Variants in CCNJL observed in about 807,000 individuals in gnomAD.
CCNJL encodes cyclin J like.
Under a neutral mutation model 33.4 loss-of-function variants are expected in CCNJL, and 33 were observed. The observed-to-expected ratio is 0.99, with a 90% CI of 0.75 to 1.32. CCNJL has a LOEUF of 1.32. Among genes scored for constraint, CCNJL ranks in the 40% most tolerant of loss-of-function variants. CCNJL has a pLI of 0.00. For missense variants in CCNJL, 512 were observed against 499.7 expected (o/e 1.02, Z -0.23); for synonymous variants, 227 against 220.9 (o/e 1.03, Z -0.24).
rs144788249 is a variant in CCNJL, at chr5:160,298,849, T to C, written c.66+13009A>G. Among the ~76,000 whole-genome samples the C allele has an allele frequency of 2.0e-3, 297 of 152,264 alleles. 3 individuals carry two copies. The highest frequency in any genetic ancestry group is 6.6e-3 in the African/African-American group (276 of 41,538). ...GAGGTAGCAGGTCAAATCCAGAATATAGGACATTTATCAGGACAAATCAAA... is the reference window on the plus strand; with the variant it reads ...GAGGTAGCAGGTCAAATCCAGAATACAGGACATTTATCAGGACAAATCAAA... On this transcript the variant is annotated intron_variant, in intron 2 of 5. Transcript: ENST00000257536.
chr5:160,253,072 C>T lies in CCNJL; in HGVS notation c.*306G>A. ...ATCAGTGGTCTGTGTCCAGTTCCCA[C>T]TCTCCTGGCCTCTTATCAAGTCTTT... On this transcript the variant is annotated 3_prime_UTR_variant, in exon 6 of 6. Transcript: ENST00000257536. 2 of 295,014 alleles carry T rather than the reference C, an allele frequency of 6.8e-6. No homozygotes were observed. Among genetic ancestry groups the T allele is most frequent in the South Asian group, 2.6e-4 (2 of 7,772 alleles). 18.3% of individuals were successfully genotyped at this position (295,014 alleles called of 1,614,324 possible).
chr5:160,335,764 T>C (rs1300595480), intron 1 of CCNJL, among the ~76,000 whole-genome samples: 1 of 150,240 alleles, frequency 6.7e-6, no homozygotes, highest in Non-Finnish European at 1.5e-5. Context: ...TTTTTTTTTT[T>C]GTAGAAACAA....
chr5:160,339,269 ATATG>A (rs1445951656), intron 1 of CCNJL, among the ~76,000 whole-genome samples: 1 of 41,214 alleles, frequency 2.4e-5, no homozygotes, highest in Non-Finnish European at 6.3e-5. Context: ...TTATATATAT[ATATG>A]TATGGTATAA....
At chr5:160,304,915 G>T (rs569889646) in intron 2 of CCNJL, among the ~76,000 whole-genome samples, 11 of 151,832 alleles carry the variant, frequency 7.2e-5, no homozygotes, top group Non-Finnish European at 1.6e-4. Context: ...CCAGGTTCAA[G>T]CAATGCTCCT....
intron 3 of CCNJL, 70 bp from the exon 4 acceptor site, chr5:160,259,841 C>T: frequency 7.8e-7 from 1 of 1,284,030 alleles, no homozygotes; most frequent in South Asian, 1.4e-5. Flanking sequence ...TAACGGCCCA[C>T]CTTACAGTGC....
rs1433904269 is a variant in CCNJL, at chr5:160,250,764, A to G, written c.*2614T>C. ...ACTGCCTCATGATTTAGTTTTCTAA[A>G]AAGTCTTATTAGTGCATAAAATAAT... On this transcript the variant is annotated 3_prime_UTR_variant, in exon 6 of 6. Transcript: ENST00000257536. 2 of 152,262 alleles carry G rather than the reference A, an allele frequency of 1.3e-5. No homozygotes were observed. Among genetic ancestry groups the G allele is most frequent in the Non-Finnish European group, 2.9e-5 (2 of 68,042 alleles). The allele number at this position is 152,262 out of a possible 1,614,324, so 9.4% of individuals were successfully genotyped here.
At chr5:160,313,309 A>C (rs1011660979), upstream of CCNJL, among the ~76,000 whole-genome samples, 5 of 152,212 alleles carry the variant, frequency 3.3e-5, no homozygotes, top group African/African-American at 4.8e-5. Context: ...TTGGAGATTC[A>C]CAAATTTGGA....
intron 4 of CCNJL, 145 bp from the exon 5 acceptor site, chr5:160,255,853 A>T: frequency 1.4e-6 from 1 of 710,502 alleles, no homozygotes. Context: ...GAAACTGTGA[A>T]GTTCCATTTT....
intron 2 of CCNJL, among the ~76,000 whole-genome samples, chr5:160,300,464 T>C (rs1762887539): frequency 6.6e-6 from 1 of 152,356 alleles, no homozygotes; most frequent in African/African-American, 2.4e-5. Context: ...ATGGGCCCCA[T>C]GCTGCCCAGG....
intron 1 of CCNJL, among the ~76,000 whole-genome samples, chr5:160,333,186 G>A (rs1273761325): frequency 4.6e-5 from 7 of 151,038 alleles, no homozygotes; most frequent in Non-Finnish European, 1.0e-4. Context: ...GCAGTGGCAC[G>A]CTCTCGGCTC....
At chr5:160,275,784 C>G (rs1761988844) in intron 3 of CCNJL, among the ~76,000 whole-genome samples, 1 of 152,216 alleles carries the variant, frequency 6.6e-6, no homozygotes, top group African/African-American at 2.4e-5. Flanking sequence ...CCAACCCTCC[C>G]TCCCTCCTCA....
upstream of CCNJL, among the ~76,000 whole-genome samples, chr5:160,315,896 A>G (rs1763375005): frequency 6.6e-6 from 1 of 152,176 alleles, no homozygotes; most frequent in African/African-American, 2.4e-5. Flanking sequence ...TGCTGGGTAC[A>G]TTGAAAGAAG....
chr5:160,271,407 C>T (rs1761829380), intron 3 of CCNJL, among the ~76,000 whole-genome samples: 1 of 152,160 alleles, frequency 6.6e-6, no homozygotes, highest in Non-Finnish European at 1.5e-5. Flanking sequence ...GAAAGTTAGG[C>T]CCTGGACAAA....
intron 2 of CCNJL, among the ~76,000 whole-genome samples, chr5:160,289,056 T>A (rs909986046): frequency 1.3e-5 from 2 of 152,174 alleles, no homozygotes; most frequent in Non-Finnish European, 2.9e-5. Flanking sequence ...GGTTGTGCCA[T>A]GACGTCATCA....
intron 1 of CCNJL, among the ~76,000 whole-genome samples, chr5:160,334,584 AG>A (rs55853735): frequency 0.4 from 60,892 of 152,064 alleles, 14,032 homozygotes; most frequent in Non-Finnish European, 0.52. Flanking sequence ...AGAAAGGTTA[AG>A]AGACTTGTCC....
At chr5:160,320,580 T>C (rs940066204) in intron 1 of CCNJL, among the ~76,000 whole-genome samples, 90 of 152,202 alleles carry the variant, frequency 5.9e-4, no homozygotes, top group Admixed American at 5.6e-3. Context: ...TGTGGAGCGA[T>C]GAGGACTGTG....
At position 160,280,819 on chromosome 5, in the gene CCNJL, G is replaced by C. The variant is rs545469809; in HGVS notation, c.67-81C>G. The C allele has an allele frequency of 9.6e-5, 89 of 922,572 alleles. No homozygotes were observed. In the Admixed American group the frequency reaches 1.7e-3, roughly 18 times the overall value. The allele number at this position is 922,572 out of a possible 1,614,324, so 57.1% of individuals were successfully genotyped here. A position where few individuals can be genotyped will look rare whatever the true frequency, so the allele number is the denominator to read the frequency against. On this transcript the variant is annotated intron_variant, in intron 2 of 5. Coordinates refer to ENST00000257536, the MANE Select transcript of CCNJL (RefSeq NM_001308173.3). ...GGCTGTCCCAGGAAATGGGACCTCA[G>C]GGCCTGAATGGGAGGCAACGATTCC...
Position 160,250,301 on chromosome 5 carries a change from A to G in CCNJL, c.*3077T>C, listed in dbSNP as rs1194492690. On this transcript the variant is annotated 3_prime_UTR_variant, in exon 6 of 6. Coordinates refer to ENST00000257536, the MANE Select transcript of CCNJL (RefSeq NM_001308173.3). ...AAAGTGAGGTGGGTGCTCTTGGTCA[A>G]CCCAAGACTTGCCTTGTCTCTGAAT... 1.3e-5 allele frequency: 2 copies of G among 152,256 alleles called. No homozygotes were observed. Among genetic ancestry groups the G allele is most frequent in the African/African-American group, 4.8e-5 (2 of 41,450 alleles). 9.4% of individuals were successfully genotyped at this position (152,256 alleles called of 1,614,324 possible). A position where few individuals can be genotyped will look rare whatever the true frequency, so the allele number is the denominator to read the frequency against.
intron 2 of CCNJL, among the ~76,000 whole-genome samples, chr5:160,282,976 T>TATATATAC (rs1762270613): frequency 2.0e-5 from 1 of 49,822 alleles, no homozygotes; most frequent in African/African-American, 1.1e-4. Flanking sequence ...AATATATATA[T>TATATATAC]ATATATATAT....
Sources: gnomAD v4.1 joint callset for allele counts (sites outside exome capture counted in the v4.1 genomes callset) on GRCh38, gnomAD v4.1.1 for gene constraint, MANE v1.5 for transcripts, NCBI Gene and HGNC (gene_info 2026-07-23, HGNC 2026-07-21) for gene names.